Variants in CATSPERT observed in about 807,000 individuals in gnomAD.
The protein encoded by CATSPERT is catsper channel auxiliary subunit tau.
At chr2:201,575,623 C>A in the CATSPERT span, among the ~76,000 whole-genome samples, 1 of 152,182 alleles carries the variant, frequency 6.6e-6, no homozygotes, top group East Asian at 1.9e-4. Flanking sequence ...TGCAAGGGAT[C>A]TAGGTTGCAT....
At chr2:201,603,426 G>T in the CATSPERT span, 1 of 613,296 alleles carries the variant, frequency 1.6e-6, no homozygotes, top group Non-Finnish European at 2.7e-6. Context: ...AAAATATCTA[G>T]TTAATAGAAA....
the CATSPERT span, chr2:201,493,768 C>T: frequency 6.5e-7 from 1 of 1,536,958 alleles, no homozygotes; most frequent in Non-Finnish European, 8.7e-7. Context: ...ATGTACAGTG[C>T]CACTTGAACC....
At chr2:201,501,339 G>A in the CATSPERT span, among the ~76,000 whole-genome samples, 373 of 133,652 alleles carry the variant, frequency 2.8e-3, 3 homozygotes, top group Non-Finnish European at 4.6e-3. Flanking sequence ...AGGTTGCAGT[G>A]AGCCAAGATC....
the CATSPERT span, among the ~76,000 whole-genome samples, chr2:201,570,133 T>C: frequency 2.6e-5 from 4 of 152,114 alleles, no homozygotes; most frequent in Non-Finnish European, 5.9e-5. Context: ...CAGTGAGCCA[T>C]GATCTGTTGC....
chr2:201,578,757 T>C, the CATSPERT span, among the ~76,000 whole-genome samples: 1 of 152,186 alleles, frequency 6.6e-6, no homozygotes, highest in East Asian at 1.9e-4. Flanking sequence ...TTTGCATATA[T>C]GCTTCTAGTC....
chr2:201,494,761 T>A, the CATSPERT span: 1 of 1,488,242 alleles, frequency 6.7e-7, no homozygotes, highest in Admixed American at 2.5e-5. Flanking sequence ...TTTCTGAAAC[T>A]GCAATATTAA....
At chr2:201,493,429 T>C in the CATSPERT span, 3 of 1,537,202 alleles carry the variant, frequency 2.0e-6, no homozygotes, top group East Asian at 7.3e-5. Context: ...TTGGGAATCC[T>C]TTAGGTTTCC....
At chr2:201,582,257 G>GA in the CATSPERT span, 126 of 1,552,708 alleles carry the variant, frequency 8.1e-5, no homozygotes, top group Non-Finnish European at 1.0e-4. Context: ...CATTAAATTT[G>GA]AGCCTAAATA....
chr2:201,558,275 C>G, the CATSPERT span: 1 of 152,310 alleles, frequency 6.6e-6, no homozygotes, highest in East Asian at 1.9e-4. Flanking sequence ...GTATTATCTC[C>G]CACTACTCAT....
chr2:201,585,381 TA>T, the CATSPERT span, among the ~76,000 whole-genome samples: 125 of 118,572 alleles, frequency 1.1e-3, no homozygotes, highest in Middle Eastern at 4.3e-3. Flanking sequence ...CTTAAAGTAT[TA>T]AAAAAAAAAT....
At chr2:201,494,759 A>G in the CATSPERT span, 5 of 1,489,330 alleles carry the variant, frequency 3.4e-6, no homozygotes, top group Admixed American at 4.8e-5. Flanking sequence ...AATTTCTGAA[A>G]CTGCAATATT....
chr2:201,525,244 T>A, the CATSPERT span, among the ~76,000 whole-genome samples: 2 of 152,010 alleles, frequency 1.3e-5, no homozygotes, highest in South Asian at 2.1e-4. Flanking sequence ...TTAAAAAAAA[T>A]TATATCAACC....
chr2:201,563,248 C>A, the CATSPERT span, among the ~76,000 whole-genome samples: 20 of 140,718 alleles, frequency 1.4e-4, no homozygotes, highest in African/African-American at 5.1e-4. Context: ...GGGCTCCTCA[C>A]TTCCCAGTAG....
chr2:201,584,851 A>C, the CATSPERT span, among the ~76,000 whole-genome samples: 311 of 152,278 alleles, frequency 2.0e-3, no homozygotes, highest in African/African-American at 7.1e-3. Context: ...AACATCATCA[A>C]TCCAGGTTAA....
At chr2:201,607,037 C>T in the CATSPERT span, among the ~76,000 whole-genome samples, 3 of 90,906 alleles carry the variant, frequency 3.3e-5, no homozygotes, top group African/African-American at 9.8e-5. Context: ...AAGAAAGGAA[C>T]AAAGTACACA....
chr2:201,586,145 TAAG>T, the CATSPERT span, among the ~76,000 whole-genome samples: 1 of 152,214 alleles, frequency 6.6e-6, no homozygotes. Flanking sequence ...TGCGTTATTG[TAAG>T]AATACAGTAT....
At chr2:201,508,186 C>T in the CATSPERT span, among the ~76,000 whole-genome samples, 1 of 152,142 alleles carries the variant, frequency 6.6e-6, no homozygotes, top group South Asian at 2.1e-4. Context: ...TGGGCTGACA[C>T]AAATAGATTT....
the CATSPERT span, among the ~76,000 whole-genome samples, chr2:201,510,780 A>G: frequency 3.9e-5 from 6 of 152,264 alleles, no homozygotes; most frequent in Non-Finnish European, 8.8e-5. Context: ...AAAAACATAT[A>G]GGAGAATACT....
the CATSPERT span, among the ~76,000 whole-genome samples, chr2:201,540,250 C>T: frequency 2.0e-5 from 3 of 152,270 alleles, no homozygotes; most frequent in Admixed American, 6.5e-5. Context: ...GAAGCTGCAG[C>T]GAGTTACCCA....
Sources: allele counts gnomAD v4.1 joint callset (sites outside exome capture counted in the v4.1 genomes callset), GRCh38; gene constraint gnomAD v4.1.1; transcripts MANE v1.5; gene names NCBI Gene and HGNC (gene_info 2026-07-23, HGNC 2026-07-21).